Variants in WDR12 observed in about 807,000 individuals in gnomAD.
The protein encoded by WDR12 is ribosome biogenesis protein WDR12.
WDR12 carries 42 observed loss-of-function variants against 64.3 expected under a neutral mutation model. The ratio of observed to expected loss-of-function variants is 0.65; its 90% CI spans 0.51 to 0.84. The LOEUF (loss-of-function observed/expected upper bound fraction) is 0.84. Ranked by LOEUF, WDR12 falls within the 40% of genes least tolerant of loss-of-function variation. The pLI is 0.00. For missense variants in WDR12, 469 were observed against 494.6 expected, an observed-to-expected ratio of 0.95 and a Z score of 0.49; for synonymous variants, 158 against 173.3, an observed-to-expected ratio of 0.91 and a Z score of 0.70.
intron 6 of WDR12, among the ~76,000 whole-genome samples, chr2:202,895,809 C>T (rs1212408227): frequency 1.3e-5 from 2 of 151,396 alleles, no homozygotes; most frequent in Non-Finnish European, 1.5e-5. Flanking sequence ...GGATTACAGG[C>T]GTGAGCCACC....
At chr2:202,902,490 A>G (rs2105910808) in intron 2 of WDR12, among the ~76,000 whole-genome samples, 1 of 152,296 alleles carries the variant, frequency 6.6e-6, no homozygotes, top group Non-Finnish European at 1.5e-5. Context: ...GTACCATCTA[A>G]TCAGCTGCCA....
At chr2:202,901,253 CA>C in intron 2 of WDR12, 134 bp from the exon 3 acceptor site, 1 of 499,110 alleles carries the variant, frequency 2.0e-6, no homozygotes, top group Non-Finnish European at 3.4e-6. Flanking sequence ...TTTTTAAGAT[CA>C]GAAATACTTT....
chr2:202,895,111 C>T (rs1007954204), intron 6 of WDR12, among the ~76,000 whole-genome samples: 2 of 152,128 alleles, frequency 1.3e-5, no homozygotes, highest in South Asian at 2.1e-4. Context: ...TAAAACTTTT[C>T]GGCTCAATAT....
intron 2 of WDR12, among the ~76,000 whole-genome samples, chr2:202,902,047 G>A (rs1450087031): frequency 6.6e-6 from 1 of 152,108 alleles, no homozygotes; most frequent in African/African-American, 2.4e-5. Flanking sequence ...GGGATTAACA[G>A]CTATTGAGAA....
At chr2:202,908,808 AAGAG>A in intron 1 of WDR12, among the ~76,000 whole-genome samples, 1 of 152,324 alleles carries the variant, frequency 6.6e-6, no homozygotes, top group South Asian at 2.1e-4. Flanking sequence ...AGACTCTTAT[AAGAG>A]AGACTGTGAG....
chr2:202,904,616 T>C (rs1042155991), intron 2 of WDR12, among the ~76,000 whole-genome samples: 3 of 152,028 alleles, frequency 2.0e-5, no homozygotes, highest in Non-Finnish European at 4.4e-5. Context: ...TGGGTATCCA[T>C]ATGCAAAAAA....
intron 4 of WDR12, among the ~76,000 whole-genome samples, chr2:202,899,044 T>G (rs1245921786): frequency 1.5e-5 from 2 of 130,448 alleles, no homozygotes; most frequent in Admixed American, 7.7e-5. Flanking sequence ...TTTTTTTTTT[T>G]TTTTTTTTTT....
intron 1 of WDR12, among the ~76,000 whole-genome samples, chr2:202,910,030 A>C (rs1688538127): frequency 6.6e-6 from 1 of 152,090 alleles, no homozygotes; most frequent in South Asian, 2.1e-4. Flanking sequence ...CTCCTGAGAT[A>C]AGCGATTTGC....
Position 202,911,421 on chromosome 2 carries a change from G to A in WDR12, c.41+15C>T. On this transcript the variant is annotated intron_variant, in intron 1 of 12. Coordinates refer to ENST00000261015, the MANE Select transcript of WDR12 (RefSeq NM_018256.4). ...GAACCTGGGGAAGGGAGAGAAGGCT[G>A]GAACGCTTACTTACTTCTTGTTATC... The A allele has an allele frequency of 1.2e-6, 2 of 1,613,784 alleles. No homozygotes were observed. Among genetic ancestry groups the A allele is most frequent in the Non-Finnish European group, 1.7e-6 (2 of 1,179,706 alleles).
chr2:202,886,106 A>G (rs1688042462), intron 8 of WDR12, among the ~76,000 whole-genome samples: 2 of 151,652 alleles, frequency 1.3e-5, no homozygotes, highest in African/African-American at 4.8e-5. Flanking sequence ...ACAACACTTT[A>G]TAATTGTAAT....
intron 1 of WDR12, among the ~76,000 whole-genome samples, chr2:202,910,542 A>T (rs960629135): frequency 1.3e-5 from 2 of 151,638 alleles, no homozygotes; most frequent in African/African-American, 4.8e-5. Flanking sequence ...CAAACCAAAC[A>T]AACAAAAAAA....
chr2:202,884,153 G>T, intron 10 of WDR12, 45 bp downstream of exon 10: 1 of 1,549,328 alleles, frequency 6.5e-7, no homozygotes, highest in East Asian at 2.2e-5. Flanking sequence ...ATGAGAAATA[G>T]ATGTTATTCA....
chr2:202,911,483 G>A lies in WDR12; in HGVS notation c.-7C>T. The A allele has an allele frequency of 3.7e-6, 6 of 1,614,002 alleles. No individual in the cohort carries two copies. Among genetic ancestry groups the A allele is most frequent in the Non-Finnish European group, 5.1e-6 (6 of 1,179,902 alleles). Reference sequence around the variant, plus strand: ...GTGTTTGGAGCTGAGCCATGGCGAGGAGTACACACGACTTGCCCACGGAAA... The same window carrying A: ...GTGTTTGGAGCTGAGCCATGGCGAGAAGTACACACGACTTGCCCACGGAAA... On this transcript the variant is annotated 5_prime_UTR_variant, in exon 1 of 13. Coordinates refer to ENST00000261015, the MANE Select transcript of WDR12 (RefSeq NM_018256.4).
chr2:202,911,445 T>A lies in WDR12; in HGVS notation c.32A>T (p.Asp11Val). MAQLQTRFYTDNKKYAVDDVP... is the reference protein window; with the variant it reads MAQLQTRFYTVNKKYAVDDVP... Reference sequence around the variant, plus strand: ...TGGAACGCTTACTTACTTCTTGTTATCAGTGTAGAAGCGTGTTTGGAGCTG... The same window carrying A: ...TGGAACGCTTACTTACTTCTTGTTAACAGTGTAGAAGCGTGTTTGGAGCTG... The change falls in exon 1 of 13, where the codon GAT becomes GTT. Residue 11 changes from aspartate (D) to valine (V), a missense_variant. Coordinates refer to ENST00000261015, the MANE Select transcript of WDR12 (RefSeq NM_018256.4). 1 of 1,614,134 alleles carries A rather than the reference T, an allele frequency of 6.2e-7. No individual in the cohort carries two copies. Among genetic ancestry groups the A allele is most frequent in the Non-Finnish European group, 8.5e-7 (1 of 1,180,008 alleles).
chr2:202,896,312 G>T, intron 5 of WDR12, 93 bp from the exon 6 acceptor site: 2 of 1,358,800 alleles, frequency 1.5e-6, no homozygotes, highest in Non-Finnish European at 9.8e-7. Flanking sequence ...TTTTTTTGTT[G>T]TTATTGAAAA....
intron 8 of WDR12, 122 bp downstream of exon 8, chr2:202,892,495 A>G (rs537798626): frequency 1.8e-6 from 1 of 544,720 alleles, no homozygotes; most frequent in Admixed American, 3.7e-5. Context: ...AAAAAGGATA[A>G]TCATGGTTAA....
rs971694057 is a variant in WDR12, at chr2:202,879,443, T to TA, written c.*1416dup. ...CAATCTACTTGTCTTTATTTTGAGA[T>TA]AGAGTCTGGCTCTGCTGCCCAGGCT... On this transcript the variant is annotated 3_prime_UTR_variant, in exon 13 of 13. Transcript: ENST00000261015. 4.0e-5 allele frequency: 6 copies of TA among 149,262 alleles called. No individual in the cohort carries two copies. The highest frequency in any genetic ancestry group is 1.2e-4 in the African/African-American group (5 of 40,492). The allele number at this position is 149,262 out of a possible 1,614,324, so 9.2% of individuals were successfully genotyped here.
Position 202,904,007 on chromosome 2 carries a change from A to G in WDR12, c.137-2888T>C, listed in dbSNP as rs1357557241. 4.6e-5 allele frequency among the ~76,000 whole-genome samples: 7 copies of G among 151,848 alleles called. No individual in the cohort carries two copies. In the East Asian group the frequency reaches 1.4e-3, roughly 29 times the overall value. ...ACAAAAATTAGCTGGGCGTGGTGGC[A>G]GGCACCTGTAATCCCAGCTACTCAG... On this transcript the variant is annotated intron_variant, in intron 2 of 12. Coordinates refer to ENST00000261015, the MANE Select transcript of WDR12 (RefSeq NM_018256.4).
rs771181443 is a variant in WDR12, at chr2:202,897,383, C to T, written c.371G>A (p.Arg124Gln). 13 of 1,588,638 alleles carry T rather than the reference C, an allele frequency of 8.2e-6. No homozygotes were observed. The African/African-American group carries it at 8.2e-5, about 10-fold the overall frequency. Reference protein sequence around the residue: ...ILTGSYDKTSRIWSLEGKSIM... With the variant: ...ILTGSYDKTSQIWSLEGKSIM... ...TGACTTTCCTTCCAAGGACCAGATC[C>T]GAGAAGTCTTATCATAAGAACCAGT... is the stretch of plus-strand genomic sequence containing the variant. Residue 124 changes from arginine (R) to glutamine (Q), a missense_variant, in exon 5 of 13, where the codon CGG becomes CAG. Coordinates refer to ENST00000261015, the MANE Select transcript of WDR12 (RefSeq NM_018256.4).
Sources: allele counts gnomAD v4.1 joint callset (sites outside exome capture counted in the v4.1 genomes callset), GRCh38; gene constraint gnomAD v4.1.1; transcripts MANE v1.5; gene names NCBI Gene and HGNC (gene_info 2026-07-23, HGNC 2026-07-21).